Variants in CNRIP1 observed in about 807,000 individuals in gnomAD.
CNRIP1 encodes the protein CB1 cannabinoid receptor-interacting protein 1.
A neutral mutation model predicts 15.2 loss-of-function variants in CNRIP1; 10 were observed. The observed-to-expected ratio is 0.66, with a 90% confidence interval of 0.41 to 1.12. CNRIP1 has a LOEUF of 1.12. Among genes scored for constraint, CNRIP1 ranks in the 50% most tolerant of loss-of-function variants. The probability of loss-of-function intolerance (pLI) is 0.00; values close to 1 mark genes in which losing one functional copy is unlikely to be tolerated. For missense variants in CNRIP1, 211 were observed against 214.7 expected (o/e 0.98, Z 0.11); for synonymous variants, 91 against 83.2 (o/e 1.09, Z -0.51).
At chr2:68,286,904 G>T (rs1364338225) in intron 2 of CNRIP1, among the ~76,000 whole-genome samples, 1 of 152,160 alleles carries the variant, frequency 6.6e-6, no homozygotes, top group African/African-American at 2.4e-5. Flanking sequence ...TACTCTTCAG[G>T]ATGATTTTGA....
chr2:68,312,548 G>C (rs1052307298), intron 2 of CNRIP1, among the ~76,000 whole-genome samples: 1 of 152,148 alleles, frequency 6.6e-6, no homozygotes, highest in Admixed American at 6.5e-5. Context: ...CTCTCAGACT[G>C]AGGGACAAGA....
At chr2:68,312,854 T>C (rs1672142928) in intron 2 of CNRIP1, among the ~76,000 whole-genome samples, 2 of 152,088 alleles carry the variant, frequency 1.3e-5, no homozygotes, top group Admixed American at 6.5e-5. Flanking sequence ...TTTAACAAAA[T>C]ATGTATAAAG....
At position 68,311,676 on chromosome 2, in the gene CNRIP1, G is replaced by A. The variant is rs188957392; in HGVS notation, c.330+5481C>T. On this transcript the variant is annotated intron_variant, in intron 2 of 2. Transcript: ENST00000263655. ...TGTAATCCCAGCTACTTGGGAGGCCGAGGCAGGAGAATTGCCTGAATCTGG... is the reference window on the plus strand; with the variant it reads ...TGTAATCCCAGCTACTTGGGAGGCCAAGGCAGGAGAATTGCCTGAATCTGG... Among the ~76,000 whole-genome samples, 361 of 150,784 alleles carry A rather than the reference G, an allele frequency of 2.4e-3. 3 individuals are homozygous for A. Among genetic ancestry groups the A allele is most frequent in the Non-Finnish European group, 3.4e-3 (229 of 67,846 alleles).
At chr2:68,317,399 G>A (rs1672315340) in intron 1 of CNRIP1, 92 bp from the exon 2 acceptor site, 1 of 1,373,476 alleles carries the variant, frequency 7.3e-7, no homozygotes, top group Admixed American at 1.8e-5. Context: ...GAAACTTACA[G>A]GGTTTCACTA....
chr2:68,315,472 T>G lies in CNRIP1; in HGVS notation c.330+1685A>C, dbSNP rs1244937585. Among the ~76,000 whole-genome samples, 5 of 152,230 alleles carry G rather than the reference T, an allele frequency of 3.3e-5. No individual in the cohort carries two copies. In the East Asian group the frequency reaches 9.6e-4, roughly 29 times the overall value. The stretch of plus-strand genomic sequence containing the variant: ...AAGAAAACATTAGACAATTGTACAG[T>G]ACTCAGTGATTTGTAATGTGGTTTT... On this transcript the variant is annotated intron_variant, in intron 2 of 2. Coordinates refer to ENST00000263655, the MANE Select transcript of CNRIP1 (RefSeq NM_015463.3).
In CNRIP1 at chr2:68,315,172, C is replaced by T. The variant is rs1295978898; in HGVS notation, c.330+1985G>A. Among the ~76,000 whole-genome samples, 8 of 151,980 alleles carry T rather than the reference C, an allele frequency of 5.3e-5. No individual in the cohort carries two copies. The East Asian group carries it at 1.5e-3, about 29-fold the overall frequency. On this transcript the variant is annotated intron_variant, in intron 2 of 2. Transcript: ENST00000263655. ...GATTTTTCAAAAAATCAATAAGATA[C>T]ACTTAAGCAGAAAAATGGGTGAAAA...
chr2:68,319,559 C>T lies in CNRIP1; in HGVS notation c.-159G>A. On this transcript the variant is annotated 5_prime_UTR_variant, in exon 1 of 3. Transcript: ENST00000263655. ...TAGGAACCCGCGCCGTCGCCGCCGT[C>T]CGCCCGGGCTTTTGAGGAGCAGCTC... 1 of 703,504 alleles carries T rather than the reference C, an allele frequency of 1.4e-6. No homozygotes were observed. Among genetic ancestry groups the T allele is most frequent in the South Asian group, 2.1e-5 (1 of 47,978 alleles). 43.6% of individuals were successfully genotyped at this position (703,504 alleles called of 1,614,324 possible).
Position 68,296,564 on chromosome 2 carries a change from A to ATG in CNRIP1, c.331-2540_331-2539dup, listed in dbSNP as rs140524601. 4.9e-3 allele frequency among the ~76,000 whole-genome samples: 737 copies of ATG among 150,988 alleles called. 2 individuals carry two copies. The highest frequency in any genetic ancestry group is 0.041 in the Middle Eastern group (12 of 292). ...AAAAAATGTATGTGTATATATGTGT[A>ATG]TGTGTGTGTGTGTGTGTATTTAATG... On this transcript the variant is annotated intron_variant, in intron 2 of 2. Coordinates refer to ENST00000263655, the MANE Select transcript of CNRIP1 (RefSeq NM_015463.3).
Position 68,312,166 on chromosome 2 carries a change from A to G in CNRIP1, c.330+4991T>C, listed in dbSNP as rs963040394. On this transcript the variant is annotated intron_variant, in intron 2 of 2. Transcript: ENST00000263655. Reference sequence around the variant, plus strand: ...ATACCCAAAACTAGACAAAGGCATTATAAGAAAAGCAAACCATAGACAAAT... The same window carrying G: ...ATACCCAAAACTAGACAAAGGCATTGTAAGAAAAGCAAACCATAGACAAAT... Among the ~76,000 whole-genome samples, 7 of 152,352 alleles carry G rather than the reference A, an allele frequency of 4.6e-5. No individual in the cohort carries two copies. The South Asian group carries it at 1.2e-3, about 27-fold the overall frequency.
At chr2:68,290,934 G>A (rs566191313), downstream of CNRIP1, among the ~76,000 whole-genome samples, 1 of 152,296 alleles carries the variant, frequency 6.6e-6, no homozygotes, top group South Asian at 2.1e-4. Context: ...AGTTCCTCAA[G>A]CTTCTGGGTA....
chr2:68,299,284 ATG>A (rs1558663193), intron 2 of CNRIP1, among the ~76,000 whole-genome samples: 1 of 152,144 alleles, frequency 6.6e-6, no homozygotes, highest in Non-Finnish European at 1.5e-5. Context: ...CACAGGTAGA[ATG>A]CTTTAGGGCA....
chr2:68,306,473 A>G (rs1671850255), intron 2 of CNRIP1, among the ~76,000 whole-genome samples: 1 of 152,154 alleles, frequency 6.6e-6, no homozygotes, highest in South Asian at 2.1e-4. Context: ...TTTTAGCTCT[A>G]TCATGGTATA....
chr2:68,291,722 T>C (rs1017679505), downstream of CNRIP1, among the ~76,000 whole-genome samples: 4 of 151,744 alleles, frequency 2.6e-5, no homozygotes, highest in African/African-American at 9.7e-5. Flanking sequence ...CTACTAAAAA[T>C]ATAAAAATTA....
At chr2:68,284,369 AT>A in exon 3 of CNRIP1, 1 of 1,116,600 alleles carries the variant, frequency 9.0e-7, no homozygotes, top group Non-Finnish European at 1.2e-6. Context: ...AAAGCAAATA[AT>A]TTGGAAAAAA....
At chr2:68,310,080 C>T (rs1242866170) in intron 2 of CNRIP1, among the ~76,000 whole-genome samples, 5 of 152,178 alleles carry the variant, frequency 3.3e-5, no homozygotes, top group Admixed American at 3.3e-4. Flanking sequence ...GTAATCCCAG[C>T]ACTTTGGGAG....
chr2:68,311,981 C>T (rs559088331), intron 2 of CNRIP1, among the ~76,000 whole-genome samples: 2 of 151,996 alleles, frequency 1.3e-5, no homozygotes, highest in South Asian at 2.1e-4. Context: ...TATCTATTAA[C>T]GAAATTGAAT....
At chr2:68,312,910 G>C (rs1204275929) in intron 2 of CNRIP1, among the ~76,000 whole-genome samples, 1 of 152,004 alleles carries the variant, frequency 6.6e-6, no homozygotes, top group African/African-American at 2.4e-5. Flanking sequence ...AATTAAAGAT[G>C]ACCTAAGAGA....
intron 2 of CNRIP1, among the ~76,000 whole-genome samples, chr2:68,305,070 C>A (rs1275520840): frequency 6.6e-6 from 1 of 151,884 alleles, no homozygotes; most frequent in Non-Finnish European, 1.5e-5. Flanking sequence ...CACGGAGAAA[C>A]CCTGTTTCTA....
intron 2 of CNRIP1, among the ~76,000 whole-genome samples, chr2:68,301,846 T>C (rs1671618595): frequency 7.2e-6 from 1 of 138,180 alleles, no homozygotes; most frequent in African/African-American, 2.7e-5. Context: ...GAGCCGAGTT[T>C]GCGCCACTGC....
Sources: allele counts gnomAD v4.1 joint callset (sites outside exome capture counted in the v4.1 genomes callset), GRCh38; gene constraint gnomAD v4.1.1; transcripts MANE v1.5; gene names NCBI Gene and HGNC (gene_info 2026-07-23, HGNC 2026-07-21).